The following ADIPOR1 variants were observed in gnomAD, a reference collection of about 807,000 sequenced individuals.
ADIPOR1 encodes the protein adiponectin receptor 1, also known as adiponectin receptor protein 1.
In ADIPOR1, 15 loss-of-function variants were observed where a neutral mutation model predicts 37.5. That is an observed-to-expected ratio of 0.40 (90% CI 0.27 to 0.62). The LOEUF is 0.62. Among genes scored for constraint, ADIPOR1 ranks in the 20% least tolerant of loss-of-function variants. The pLI, the probability that ADIPOR1 is intolerant of heterozygous loss-of-function variation, is 0.42. For synonymous variants in ADIPOR1, 173 were observed against 173.2 expected (o/e 1.00, Z 0.01); for missense variants, 286 against 478.0 (o/e 0.60, Z 3.75).
At chr1:202,941,916 T>C (rs1654105759) in intron 7 of ADIPOR1, 109 bp downstream of exon 7, 1 of 1,248,056 alleles carries the variant, frequency 8.0e-7, no homozygotes, top group Non-Finnish European at 1.1e-6. Flanking sequence ...CACATATATG[T>C]ACCTCCAAAC....
intron 3 of ADIPOR1, among the ~76,000 whole-genome samples, 200 bp from the exon 4 acceptor site, chr1:202,946,810 A>AC (rs1246512797): frequency 6.6e-6 from 1 of 151,674 alleles, no homozygotes; most frequent in Non-Finnish European, 1.5e-5. Context: ...TATTTTGACC[A>AC]TTAAAAAAAA....
At chr1:202,942,254 A>G (rs765794028) in intron 6 of ADIPOR1, 36 bp from the exon 7 acceptor site, 1 of 1,556,742 alleles carries the variant, frequency 6.4e-7, no homozygotes, top group Non-Finnish European at 8.7e-7. Context: ...CAAACAAGGA[A>G]ACAGCCACCG....
chr1:202,946,697 TGTCA>T, intron 3 of ADIPOR1, 87 bp from the exon 4 acceptor site: 1 of 1,397,556 alleles, frequency 7.2e-7, no homozygotes, highest in Non-Finnish European at 1.0e-6. Context: ...TCTAAGAAGA[TGTCA>T]GTCAGGCTCT....
chr1:202,941,588 A>G lies in ADIPOR1; in HGVS notation c.1113T>C (p.Asp371=), dbSNP rs764518401. 3.7e-6 allele frequency: 6 copies of G among 1,613,518 alleles called. No individual in the cohort carries two copies. The highest frequency in any genetic ancestry group is 4.2e-6 in the Non-Finnish European group (5 of 1,179,836). Residue 371 remains aspartate, a synonymous_variant, in exon 8 of 8, where the codon GAT becomes GAC. Coordinates refer to ENST00000340990, the MANE Select transcript of ADIPOR1 (RefSeq NM_015999.6). The part of the protein sequence containing the change: ...FRYGLEGGCT[D]DTLL ...GTGGGAAGGCTCAGAGAAGGGTGTC[A>G]TCAGTACAGCCGCCTTCTAGGCCGT...
rs765459069 is a variant in ADIPOR1, at chr1:202,942,066, G to A, written c.958C>T (p.Arg320Ter). ...CCAGGAAAGAAGCGCTCAGGAATTCGAGCAGCATAAAGGCCAGCTCCAGTG... is the reference window on the plus strand; with the variant it reads ...CCAGGAAAGAAGCGCTCAGGAATTCAAGCAGCATAAAGGCCAGCTCCAGTG... ...YITGAGLYAARIPERFFPGKF... is the reference protein window; with the variant it reads ...YITGAGLYAA Residue 320 changes from arginine to a stop codon, truncating the protein, a stop_gained, in exon 7 of 8, where the codon CGA (arginine) becomes TGA (stop). Coordinates refer to ENST00000340990, the MANE Select transcript of ADIPOR1 (RefSeq NM_015999.6). LOFTEE classifies it high-confidence loss of function. 1.2e-6 allele frequency: 2 copies of A among 1,613,130 alleles called. No individual in the cohort carries two copies. Among genetic ancestry groups the A allele is most frequent in the South Asian group, 1.1e-5 (1 of 90,926 alleles).
At chr1:202,941,723 A>C (rs1654096036) in intron 7 of ADIPOR1, 22 bp from the exon 8 acceptor site, 2 of 1,603,752 alleles carry the variant, frequency 1.2e-6, no homozygotes, top group African/African-American at 1.4e-5. Flanking sequence ...AAAAGAAAAG[A>C]GCCTTTAGGA....
At chr1:202,942,739 T>C (rs1206745075) in intron 6 of ADIPOR1, among the ~76,000 whole-genome samples, 1 of 152,234 alleles carries the variant, frequency 6.6e-6, no homozygotes, top group Non-Finnish European at 1.5e-5. Context: ...ATCATTACAC[T>C]ACACATAACT....
At chr1:202,947,501 A>G (rs1464173728) in intron 3 of ADIPOR1, among the ~76,000 whole-genome samples, 3 of 150,640 alleles carry the variant, frequency 2.0e-5, no homozygotes, top group African/African-American at 7.3e-5. Flanking sequence ...GGGAGACAAG[A>G]GCAAAACTCT....
At chr1:202,944,323 A>AAATTCTT in intron 5 of ADIPOR1, 1 of 168,380 alleles carries the variant, frequency 5.9e-6, no homozygotes, top group Admixed American at 5.9e-5. Context: ...TCTAAAAACA[A>AAATTCTT]AATTCTTAAA....
At position 202,950,087 on chromosome 1, in the gene ADIPOR1, C is replaced by T. The variant is rs148186101; in HGVS notation, c.141+843G>A. On this transcript the variant is annotated intron_variant, in intron 2 of 7. Transcript: ENST00000340990. ...AAGCGATTCTCCTGCCTCAGCCTCC[C>T]GAGTAGCTGGGATTACAGGCGACTG... Among the ~76,000 whole-genome samples the T allele has an allele frequency of 9.8e-3, 1,484 of 152,058 alleles. 31 individuals carry two copies. Among genetic ancestry groups the T allele is most frequent in the African/African-American group, 0.034 (1,418 of 41,500 alleles).
At chr1:202,956,943 C>G (rs530553908) in intron 1 of ADIPOR1, among the ~76,000 whole-genome samples, 23 of 152,310 alleles carry the variant, frequency 1.5e-4, no homozygotes, top group African/African-American at 5.5e-4. Flanking sequence ...AGTTTCTACT[C>G]TACAATTAGG....
In ADIPOR1 at chr1:202,940,897, A is replaced by T. The variant is rs974571873; in HGVS notation, c.*676T>A. ...TCATAGTCTTTGCATCAAGATACAT[A>T]GCAATGATAGCAGGTTTCTTTTTAA... On this transcript the variant is annotated 3_prime_UTR_variant, in exon 8 of 8. Transcript: ENST00000340990. 4.6e-5 allele frequency: 7 copies of T among 152,670 alleles called. No individual in the cohort carries two copies. Among genetic ancestry groups the T allele is most frequent in the Non-Finnish European group, 1.0e-4 (7 of 68,046 alleles). 9.5% of individuals were successfully genotyped at this position (152,670 alleles called of 1,614,324 possible).
rs1654099388 is a variant in ADIPOR1, at chr1:202,941,790, T to C, written c.1000-89A>G. On this transcript the variant is annotated intron_variant, in intron 7 of 7. Coordinates refer to ENST00000340990, the MANE Select transcript of ADIPOR1 (RefSeq NM_015999.6). The stretch of plus-strand genomic sequence containing the variant: ...GAAAGCATTTGCTTCTTCTAGTTTA[T>C]CCTTAATTAAACAAATTTGTTAATA... 79 of 1,495,698 alleles carry C rather than the reference T, an allele frequency of 5.3e-5. 1 individual carries two copies. In the South Asian group the frequency reaches 7.7e-4, roughly 15 times the overall value. The allele number at this position is 1,495,698 out of a possible 1,614,324, so 92.7% of individuals were successfully genotyped here.
chr1:202,951,553 C>T (rs775542851), intron 1 of ADIPOR1, among the ~76,000 whole-genome samples: 2 of 152,080 alleles, frequency 1.3e-5, no homozygotes, highest in Admixed American at 6.6e-5. Context: ...AGCTCTGAGA[C>T]CGAGGAATAA....
rs769729230 is a variant in ADIPOR1 at position 202,948,330 on chromosome 1, C to T, written c.232G>A (p.Glu78Lys). Residue 78 changes from glutamate (E) to lysine (K), a missense_variant, in exon 3 of 8, where the codon GAG becomes AAG. Transcript: ENST00000340990. ...TTGTACACAAACTCTTCCATCTTCT[C>T]CATGGCGTGGTGGGCTTGCAGGGGA... ...TLPLQAHHAM[E>K]KMEEFVYKVW... The T allele has an allele frequency of 1.2e-6, 2 of 1,613,322 alleles. No individual in the cohort carries two copies. Among genetic ancestry groups the T allele is most frequent in the African/African-American group, 1.3e-5 (1 of 75,034 alleles).
chr1:202,948,425 G>A lies in ADIPOR1; in HGVS notation c.142-5C>T, dbSNP rs1364429329. The A allele has an allele frequency of 6.2e-7, 1 of 1,612,100 alleles. No homozygotes were observed. The highest frequency in any genetic ancestry group is 1.1e-5 in the South Asian group (1 of 91,028). On this transcript the variant is annotated splice_polypyrimidine_tract_variant and splice_region_variant and intron_variant, in intron 2 of 7. Coordinates refer to ENST00000340990, the MANE Select transcript of ADIPOR1 (RefSeq NM_015999.6). ...GCATGTTTGCTCTTCTTCAGCCTAT[G>A]GGGGAAAAAACCCACAACAATCCAG...
Position 202,945,023 on chromosome 1 carries a change from C to A in ADIPOR1, c.577G>T (p.Val193Phe), listed in dbSNP as rs996793166. The change falls in exon 5 of 8, where the codon GTC becomes TTC. Residue 193 changes from valine to phenylalanine, a missense_variant. Transcript: ENST00000340990. ...CLSFSWLFHT[V>F]YCHSEKVSRT... ...GAGACTTTCTCTGAATGACAATAGACGGTGTGAAAGAGCCAGGAGAAGCTG... is the reference window on the plus strand; with the variant it reads ...GAGACTTTCTCTGAATGACAATAGAAGGTGTGAAAGAGCCAGGAGAAGCTG... 6.2e-7 allele frequency: 1 copy of A among 1,613,390 alleles called. No individual in the cohort carries two copies. Among genetic ancestry groups the A allele is most frequent in the Non-Finnish European group, 8.5e-7 (1 of 1,179,840 alleles).
chr1:202,947,915 C>T lies in ADIPOR1; in HGVS notation c.258+389G>A, dbSNP rs182101123. On this transcript the variant is annotated intron_variant, in intron 3 of 7. Coordinates refer to ENST00000340990, the MANE Select transcript of ADIPOR1 (RefSeq NM_015999.6). Reference sequence around the variant, plus strand: ...CAGATACTCTCACACATTAGTTCTGCAGGTATCTCAAAATACTGTTTCTAT... The same window carrying T: ...CAGATACTCTCACACATTAGTTCTGTAGGTATCTCAAAATACTGTTTCTAT... 3.4e-3 allele frequency among the ~76,000 whole-genome samples: 523 copies of T among 152,294 alleles called. 7 individuals are homozygous for T. The highest frequency in any genetic ancestry group is 0.012 in the African/African-American group (504 of 41,562).
Position 202,942,849 on chromosome 1 carries a change from T to A in ADIPOR1, c.806-631A>T, listed in dbSNP as rs1021083266. 2.0e-4 allele frequency among the ~76,000 whole-genome samples: 30 copies of A among 148,876 alleles called. No homozygotes were observed. The East Asian group carries it at 5.0e-3, about 25-fold the overall frequency. On this transcript the variant is annotated intron_variant, in intron 6 of 7. Transcript: ENST00000340990. ...TGATAAATATTTAATTATTATTATT[T>A]TTTTCTTTTCTTTCTTTCTTTCTTT... is the stretch of plus-strand genomic sequence containing the variant.
Sources: allele counts gnomAD v4.1 joint callset (sites outside exome capture counted in the v4.1 genomes callset), GRCh38; gene constraint gnomAD v4.1.1; transcripts MANE v1.5; gene names NCBI Gene and HGNC (gene_info 2026-07-23, HGNC 2026-07-21).